GALNTL6: variants seen among roughly 807,000 people sequenced by gnomAD.
GALNTL6 encodes the protein polypeptide N-acetylgalactosaminyltransferase-like 6.
In GALNTL6, 46 loss-of-function variants were observed where a neutral mutation model predicts 73.7. The observed-to-expected ratio is 0.62, with a 90% CI of 0.49 to 0.80. The LOEUF (loss-of-function observed/expected upper bound fraction) is 0.80. Among genes scored for constraint, GALNTL6 ranks in the 30% least tolerant of loss-of-function variants. GALNTL6 has a pLI of 0.00. For synonymous variants in GALNTL6, 259 were observed against 263.7 expected, an observed-to-expected ratio of 0.98 and a Z score of 0.17; for missense variants, 604 against 755.0, an observed-to-expected ratio of 0.80 and a Z score of 2.34.
chr4:172,058,178 C>T (rs1478169393), intron 2 of GALNTL6, among the ~76,000 whole-genome samples: 1 of 133,548 alleles, frequency 7.5e-6, no homozygotes. Context: ...CCAAGCTGGT[C>T]TCAAACTCCT....
intron 2 of GALNTL6, among the ~76,000 whole-genome samples, chr4:171,842,168 T>C (rs1735254590): frequency 6.6e-6 from 1 of 152,172 alleles, no homozygotes. Flanking sequence ...CTTACTTACA[T>C]TTGTTATTTA....
Position 172,809,912 on chromosome 4 carries a change from TACACACACACAC to T in GALNTL6, c.739+394_739+405del, listed in dbSNP as rs5864170. Among the ~76,000 whole-genome samples, 36 of 141,240 alleles carry T rather than the reference TACACACACACAC, an allele frequency of 2.5e-4. No homozygotes were observed. The highest frequency in any genetic ancestry group is 7.0e-3 in the Middle Eastern group (2 of 284). 92.7% of individuals were successfully genotyped at this position (141,240 alleles called of 152,430 possible). ...TCCTGTAGCTACAGCAAGATTAAAA[TACACACACACAC>T]ACACACACACACACACACACACACA... On this transcript the variant is annotated intron_variant, in intron 6 of 12. Transcript: ENST00000506823. This position sits in a 1 kb window ranked among gnomAD's most constrained non-coding sequence, Gnocchi z 4.4.
At chr4:171,981,368 G>A (rs1739891280) in intron 2 of GALNTL6, among the ~76,000 whole-genome samples, 1 of 152,168 alleles carries the variant, frequency 6.6e-6, no homozygotes, top group African/African-American at 2.4e-5. Flanking sequence ...TTTGTCTCAG[G>A]TGAGCAGAGG....
chr4:171,988,526 A>T (rs187034803), intron 2 of GALNTL6, among the ~76,000 whole-genome samples: 365 of 152,272 alleles, frequency 2.4e-3, no homozygotes, highest in Non-Finnish European at 3.8e-3. Context: ...GATCTAGAAC[A>T]GAATAGTGGA....
intron 5 of GALNTL6, among the ~76,000 whole-genome samples, chr4:172,662,497 A>AGT (rs1731428235): frequency 6.6e-6 from 1 of 152,216 alleles, no homozygotes; most frequent in Non-Finnish European, 1.5e-5. Context: ...GTGTATAGTT[A>AGT]GTAACAGCTC....
Position 172,467,162 on chromosome 4 carries a change from AG to A in GALNTL6, c.553+118474del, listed in dbSNP as rs548586212. Among the ~76,000 whole-genome samples, 368 of 152,346 alleles carry A rather than the reference AG, an allele frequency of 2.4e-3. 1 individual carries two copies. Among genetic ancestry groups the A allele is most frequent in the African/African-American group, 8.4e-3 (349 of 41,568 alleles). On this transcript the variant is annotated intron_variant, in intron 5 of 12. Transcript: ENST00000506823. The stretch of plus-strand genomic sequence containing the variant: ...TAGAAGAAAACTTTAGCAATATAAA[AG>A]AGAAAAGGCCGTGATAATTAAAACC...
chr4:172,022,484 G>A (rs967350670), intron 2 of GALNTL6, among the ~76,000 whole-genome samples: 1 of 151,958 alleles, frequency 6.6e-6, no homozygotes, highest in Non-Finnish European at 1.5e-5. Context: ...GACAAATGTG[G>A]CCAGTTCACT....
intron 2 of GALNTL6, among the ~76,000 whole-genome samples, chr4:172,177,836 T>TATATGTGTGTGTATATATATACACACAC (rs1219714896): frequency 2.6e-5 from 2 of 76,544 alleles, no homozygotes; most frequent in Admixed American, 2.9e-4. Context: ...TACACACACA[T>TATATGTGTGTGTATATATATACACACAC]ATATATGTGT....
intron 2 of GALNTL6, among the ~76,000 whole-genome samples, chr4:172,084,229 TGTGA>T (rs1731963289): frequency 6.6e-6 from 1 of 152,188 alleles, no homozygotes; most frequent in South Asian, 2.1e-4. Context: ...GTAAAATATA[TGTGA>T]GTGAACTAGG....
At chr4:171,950,482 C>CTTTTT (rs149650644) in intron 2 of GALNTL6, among the ~76,000 whole-genome samples, 1 of 141,440 alleles carries the variant, frequency 7.1e-6, no homozygotes, top group Non-Finnish European at 1.5e-5. Flanking sequence ...CTTTTCTTTT[C>CTTTTT]TTTTTTTTTT....
chr4:172,402,276 T>C (rs1744070502), intron 5 of GALNTL6, among the ~76,000 whole-genome samples: 1 of 152,030 alleles, frequency 6.6e-6, no homozygotes, highest in Admixed American at 6.6e-5. Flanking sequence ...ACTAAAATGA[T>C]TTTTTTCCTT....
At chr4:172,552,777 C>T (rs183401975) in intron 5 of GALNTL6, among the ~76,000 whole-genome samples, 822 of 52,094 alleles carry the variant, frequency 0.016, 4 homozygotes, top group Non-Finnish European at 0.023. Context: ...TGTAGGGTTA[C>T]TGATAACTAA....
intron 5 of GALNTL6, among the ~76,000 whole-genome samples, chr4:172,487,295 C>CTTCTTTCT (rs1554029530): frequency 1.2e-5 from 1 of 81,518 alleles, no homozygotes; most frequent in Non-Finnish European, 2.5e-5. Flanking sequence ...TCCTTCTTTC[C>CTTCTTTCT]TTCTGTCTTT....
chr4:172,413,736 G>A (rs1243939223), intron 5 of GALNTL6, among the ~76,000 whole-genome samples: 18 of 151,218 alleles, frequency 1.2e-4, no homozygotes, highest in Admixed American at 1.2e-3. Flanking sequence ...ACCTGAAAGG[G>A]AAAAGTGCCC....
At chr4:172,985,612 G>T (rs1043525191) in intron 10 of GALNTL6, among the ~76,000 whole-genome samples, 2 of 151,556 alleles carry the variant, frequency 1.3e-5, no homozygotes, top group East Asian at 1.9e-4. Flanking sequence ...CGAAGACTAG[G>T]TTTTTTTTTA....
chr4:172,100,488 T>A (rs1732478985), intron 2 of GALNTL6, among the ~76,000 whole-genome samples: 1 of 152,136 alleles, frequency 6.6e-6, no homozygotes, highest in Non-Finnish European at 1.5e-5. Context: ...GAGATTACCA[T>A]TTTTAAAGAA....
At chr4:172,377,720 G>A (rs1452102653) in intron 5 of GALNTL6, among the ~76,000 whole-genome samples, 1 of 152,136 alleles carries the variant, frequency 6.6e-6, no homozygotes, top group African/African-American at 2.4e-5. Context: ...TTCTAGTGCG[G>A]CACGGGTAGG....
At position 172,507,280 on chromosome 4, in the gene GALNTL6, A is replaced by G. The variant is rs558385017; in HGVS notation, c.553+158591A>G. On this transcript the variant is annotated intron_variant, in intron 5 of 12. Transcript: ENST00000506823. ...AGGATCTGGGGAAAATTAGAGTAATATTTTTAGGTATTGTGGTTGGCTTTG... is the reference window on the plus strand; with the variant it reads ...AGGATCTGGGGAAAATTAGAGTAATGTTTTTAGGTATTGTGGTTGGCTTTG... Among the ~76,000 whole-genome samples the G allele has an allele frequency of 2.9e-3, 157 of 54,590 alleles. 64 individuals carry two copies. The highest frequency in any genetic ancestry group is 6.8e-3 in the African/African-American group (148 of 21,824). 35.8% of individuals were successfully genotyped at this position (54,590 alleles called of 152,430 possible).
chr4:171,837,567 T>C (rs1045482024), intron 2 of GALNTL6, among the ~76,000 whole-genome samples: 3 of 147,366 alleles, frequency 2.0e-5, no homozygotes, highest in African/African-American at 7.4e-5. Flanking sequence ...AAATACATAT[T>C]ATATATTAAT....
Sources: gnomAD v4.1 joint callset for allele counts (sites outside exome capture counted in the v4.1 genomes callset) on GRCh38, gnomAD v4.1.1 for gene constraint, Gnocchi (gnomAD v3.1) non-coding constraint, MANE v1.5 for transcripts, NCBI Gene and HGNC (gene_info 2026-07-23, HGNC 2026-07-21) for gene names.